ZSWIM6: variants seen among roughly 807,000 people sequenced by gnomAD.
ZSWIM6 encodes the protein zinc finger SWIM-type containing 6.
ZSWIM6 carries 9 observed loss-of-function variants against 113.2 expected under a neutral mutation model. That is an observed-to-expected ratio of 0.08 (90% CI 0.05 to 0.14). The LOEUF is 0.14. ZSWIM6 is among the 10% of genes least tolerant of loss of function. The pLI is 1.00. For synonymous variants in ZSWIM6, 611 were observed against 606.5 expected (o/e 1.01, Z -0.11); for missense variants, 1,162 against 1,552.2 (o/e 0.75, Z 4.22).
intron 1 of ZSWIM6, among the ~76,000 whole-genome samples, chr5:61,392,249 A>G (rs778434381): frequency 3.9e-5 from 6 of 152,226 alleles, no homozygotes; most frequent in African/African-American, 7.2e-5. Flanking sequence ...ACGGAAAGCA[A>G]CACATGGTAG....
At chr5:61,432,045 C>A (rs1435332423) in intron 1 of ZSWIM6, among the ~76,000 whole-genome samples, 1 of 152,112 alleles carries the variant, frequency 6.6e-6, no homozygotes, top group Non-Finnish European at 1.5e-5. Context: ...TTCATGTCTT[C>A]AAATGTTAAT....
chr5:61,476,001 C>T (rs1186398958), intron 2 of ZSWIM6, among the ~76,000 whole-genome samples: 2 of 152,098 alleles, frequency 1.3e-5, no homozygotes, highest in Non-Finnish European at 2.9e-5. Context: ...ATCACTTTTA[C>T]CTCGCATAGA....
chr5:61,528,626 C>G (rs1169086811), intron 7 of ZSWIM6, among the ~76,000 whole-genome samples: 1 of 150,658 alleles, frequency 6.6e-6, no homozygotes, highest in African/African-American at 2.4e-5. Flanking sequence ...CTCGCCCTGT[C>G]CCCCAGGCTG....
Position 61,486,511 on chromosome 5 carries a change from A to C in ZSWIM6, c.1034-4275A>C, listed in dbSNP as rs928437756. On this transcript the variant is annotated intron_variant, in intron 2 of 13. Coordinates refer to ENST00000252744, the MANE Select transcript of ZSWIM6 (RefSeq NM_020928.2). ...AGTTCTATTTTTAGTAATTTGAGAA[A>C]TCTCCATACTGTTTTCCATAGATGT... Among the ~76,000 whole-genome samples the C allele has an allele frequency of 4.6e-5, 7 of 152,042 alleles. No homozygotes were observed. In the South Asian group the frequency reaches 1.5e-3, roughly 32 times the overall value.
intron 1 of ZSWIM6, among the ~76,000 whole-genome samples, chr5:61,339,510 TG>T (rs1561197748): frequency 6.6e-6 from 1 of 151,582 alleles, no homozygotes; most frequent in Non-Finnish European, 1.5e-5. Flanking sequence ...AAAATAAATT[TG>T]GTACCTTTAT....
intron 1 of ZSWIM6, among the ~76,000 whole-genome samples, chr5:61,422,843 AT>A: frequency 6.6e-6 from 1 of 151,728 alleles, no homozygotes; most frequent in Non-Finnish European, 1.5e-5. Context: ...TACTTTCTTG[AT>A]TTTTCAGATT....
intron 1 of ZSWIM6, among the ~76,000 whole-genome samples, chr5:61,464,346 G>T (rs1747386482): frequency 6.6e-6 from 1 of 151,712 alleles, no homozygotes; most frequent in South Asian, 2.1e-4. Flanking sequence ...AATCATTTAT[G>T]TGTTGGAGTA....
At chr5:61,371,618 A>G (rs1745263570) in intron 1 of ZSWIM6, among the ~76,000 whole-genome samples, 1 of 152,178 alleles carries the variant, frequency 6.6e-6, no homozygotes, top group Non-Finnish European at 1.5e-5. Context: ...TGAGTTTTAT[A>G]TAGGAATCTG....
chr5:61,528,260 T>C (rs1237293482), intron 7 of ZSWIM6, among the ~76,000 whole-genome samples: 2 of 148,714 alleles, frequency 1.3e-5, no homozygotes, highest in Non-Finnish European at 3.0e-5. Context: ...GCTTATTGAT[T>C]CTGAAAAAAA....
intron 1 of ZSWIM6, among the ~76,000 whole-genome samples, chr5:61,405,648 A>G (rs1746028475): frequency 6.6e-6 from 1 of 152,244 alleles, no homozygotes; most frequent in African/African-American, 2.4e-5. Context: ...TTTGAAAAAC[A>G]GTAGGCTTTG....
intron 1 of ZSWIM6, among the ~76,000 whole-genome samples, chr5:61,398,375 C>G (rs1286815792): frequency 6.6e-6 from 1 of 152,182 alleles, no homozygotes; most frequent in Non-Finnish European, 1.5e-5. Context: ...GGAACAGTTT[C>G]ATCCTGAAAC....
chr5:61,458,547 C>T (rs896859171), intron 1 of ZSWIM6, among the ~76,000 whole-genome samples: 1 of 152,070 alleles, frequency 6.6e-6, no homozygotes, highest in African/African-American at 2.4e-5. Flanking sequence ...GGTAAGAGAC[C>T]ACTGATCTAG....
At chr5:61,373,380 T>TC (rs1030616037) in intron 1 of ZSWIM6, among the ~76,000 whole-genome samples, 1 of 146,188 alleles carries the variant, frequency 6.8e-6, no homozygotes, top group African/African-American at 2.5e-5. Flanking sequence ...TTCTTTTTTT[T>TC]TTTTTTTTTT....
chr5:61,482,529 A>G (rs1747900033), intron 2 of ZSWIM6, among the ~76,000 whole-genome samples: 1 of 152,216 alleles, frequency 6.6e-6, no homozygotes, highest in South Asian at 2.1e-4. Context: ...AGTTAAATAC[A>G]TGAATTTGCA....
chr5:61,478,430 C>T (rs971573100), intron 2 of ZSWIM6, among the ~76,000 whole-genome samples: 2 of 152,096 alleles, frequency 1.3e-5, no homozygotes, highest in African/African-American at 2.4e-5. Context: ...TTTTTCCTCA[C>T]GAACACACAT....
At chr5:61,492,518 G>A (rs1422457110) in intron 3 of ZSWIM6, among the ~76,000 whole-genome samples, 1 of 151,820 alleles carries the variant, frequency 6.6e-6, no homozygotes, top group Non-Finnish European at 1.5e-5. Flanking sequence ...CATAAAATGG[G>A]GATTATAATC....
chr5:61,347,561 C>T (rs1579944279), intron 1 of ZSWIM6: 1 of 156,606 alleles, frequency 6.4e-6, no homozygotes, highest in Non-Finnish European at 1.4e-5. Flanking sequence ...ACCTCTGGTG[C>T]ATAGGGGGCA....
At chr5:61,364,011 T>C (rs1177831780) in intron 1 of ZSWIM6, among the ~76,000 whole-genome samples, 1 of 150,602 alleles carries the variant, frequency 6.6e-6, no homozygotes, top group African/African-American at 2.4e-5. Flanking sequence ...TCTTTTCTTT[T>C]CTTTTCTTCC....
chr5:61,377,095 A>G (rs865850336), intron 1 of ZSWIM6, among the ~76,000 whole-genome samples: 25 of 152,322 alleles, frequency 1.6e-4, no homozygotes, highest in Admixed American at 3.3e-4. Context: ...GCACATGTAT[A>G]GATCTAGATC....
Sources: allele counts gnomAD v4.1 joint callset (sites outside exome capture counted in the v4.1 genomes callset), GRCh38; gene constraint gnomAD v4.1.1; transcripts MANE v1.5; gene names NCBI Gene and HGNC (gene_info 2026-07-23, HGNC 2026-07-21).